Variants in CNTFR observed in about 807,000 individuals in gnomAD.
The protein encoded by CNTFR is ciliary neurotrophic factor receptor, also known as ciliary neurotrophic factor receptor subunit alpha.
Under a neutral mutation model 40.4 loss-of-function variants are expected in CNTFR, and 12 were observed. That is an observed-to-expected ratio of 0.30 (90% confidence interval 0.19 to 0.48). CNTFR has a LOEUF of 0.48. CNTFR is among the 20% of genes least tolerant of loss of function. The pLI is 0.99. For missense variants in CNTFR, 414 were observed against 506.8 expected (o/e 0.82, Z 1.76); for synonymous variants, 202 against 209.6 (o/e 0.96, Z 0.31).
intron 4 of CNTFR, among the ~76,000 whole-genome samples, chr9:34,561,521 G>A (rs1165863303): frequency 5.3e-5 from 8 of 152,164 alleles, no homozygotes; most frequent in Non-Finnish European, 1.2e-4. Flanking sequence ...GAGTCCTTAG[G>A]GCTCTGCTCG....
In CNTFR at chr9:34,557,116, A is replaced by C; in HGVS notation, c.604+410T>G. ...GGCTGGGATGGGGGGGGTCAGGGGG[A>C]GGGCAGTATCTGTCCCAGTCCTGTC... is the stretch of plus-strand genomic sequence containing the variant. On this transcript the variant is annotated intron_variant, in intron 6 of 9. Transcript: ENST00000378980. The surrounding 1 kb of genome is among the most constrained non-coding windows in gnomAD (Gnocchi z 4.2). Among the ~76,000 whole-genome samples the C allele has an allele frequency of 8.2e-6, 1 of 121,832 alleles. No homozygotes were observed. The highest frequency in any genetic ancestry group is 1.7e-5 in the Non-Finnish European group (1 of 59,096). The allele number at this position is 121,832 out of a possible 152,430, so 79.9% of individuals were successfully genotyped here. A position where few individuals can be genotyped will look rare whatever the true frequency, so the allele number is the denominator to read the frequency against.
At chr9:34,566,232 G>A (rs747195775) in intron 3 of CNTFR, among the ~76,000 whole-genome samples, 4 of 152,036 alleles carry the variant, frequency 2.6e-5, no homozygotes, top group South Asian at 2.1e-4. Flanking sequence ...TGTCGTCCTC[G>A]CTGTGCCAGG....
At chr9:34,582,939 CTG>C (rs1827375590) in intron 1 of CNTFR, 1 of 152,290 alleles carries the variant, frequency 6.6e-6, no homozygotes, top group Admixed American at 6.5e-5. Context: ...AAGGCTCAGG[CTG>C]TGTGTGGTGT....
In CNTFR at chr9:34,551,981, G is replaced by A. The variant is rs984902372; in HGVS notation, c.*90C>T. 5.9e-5 allele frequency: 47 copies of A among 795,188 alleles called. No homozygotes were observed. Among genetic ancestry groups the A allele is most frequent in the South Asian group, 3.0e-4 (21 of 69,252 alleles). 49.3% of individuals were successfully genotyped at this position (795,188 alleles called of 1,614,324 possible). A position where few individuals can be genotyped will look rare whatever the true frequency, so the allele number is the denominator to read the frequency against. ...GAGAATGCAAAAGGTCCTCCTGCCC[G>A]TGTGCAAAATAGAAACCGGGGTCTG... On this transcript the variant is annotated 3_prime_UTR_variant, in exon 10 of 10. Transcript: ENST00000378980.
chr9:34,564,626 G>A lies in CNTFR; in HGVS notation c.292C>T (p.Arg98Cys), dbSNP rs753843326. ...ACFHRDSWHL[R>C]HQVLLHVGLP... ...CCCACATGCAGCAGGACTTGGTGGC[G>A]CAGGTGCCAGGAGTCACGGTGGAAG... is the stretch of plus-strand genomic sequence containing the variant. Residue 98 changes from arginine (R) to cysteine (C), a missense_variant, in exon 4 of 10, where the codon CGC (arginine) becomes TGC (cysteine). Around this residue, in one of 3 missense-constraint regions of CNTFR, gnomAD observed 250 missense variants for 269.5 expected, o/e 0.93. Transcript: ENST00000378980. The A allele has an allele frequency of 1.6e-5, 25 of 1,611,848 alleles. No homozygotes were observed. The highest frequency in any genetic ancestry group is 6.7e-5 in the East Asian group (3 of 44,798).
At chr9:34,556,135 G>A (rs771202439) in intron 7 of CNTFR, 120 bp downstream of exon 7, 65 of 1,163,980 alleles carry the variant, frequency 5.6e-5, no homozygotes, top group East Asian at 7.7e-5. Flanking sequence ...CCTTTTCCCC[G>A]CAGAGAGCCT....
At chr9:34,576,484 C>G (rs1272869009) in intron 2 of CNTFR, among the ~76,000 whole-genome samples, 1 of 152,252 alleles carries the variant, frequency 6.6e-6, no homozygotes, top group East Asian at 1.9e-4. Context: ...CACACTGTGC[C>G]AGCACCTCAG....
At chr9:34,558,348 G>A (rs1825933833) in intron 4 of CNTFR, among the ~76,000 whole-genome samples, 1 of 152,172 alleles carries the variant, frequency 6.6e-6, no homozygotes, top group African/African-American at 2.4e-5. Flanking sequence ...ACTCCCAGAG[G>A]AAGACTGTGC....
At chr9:34,569,218 C>T (rs1278944687) in intron 2 of CNTFR, among the ~76,000 whole-genome samples, 2 of 152,150 alleles carry the variant, frequency 1.3e-5, no homozygotes, top group Non-Finnish European at 2.9e-5. Context: ...CCCAAAATGC[C>T]CTTCTTAATG....
In CNTFR at chr9:34,552,788, G is replaced by A; in HGVS notation, c.835C>T (p.Gln279Ter). ...ATCTCATTGTCCTTGGCTGCCACCTGGATAATGTACTCCTTCCCGGCGTAG... is the reference window on the plus strand; with the variant it reads ...ATCTCATTGTCCTTGGCTGCCACCTAGATAATGTACTCCTTCCCGGCGTAG... ...DAYAGKEYII[Q>*]VAAKDNEIGT... The change falls in exon 8 of 10, where the codon CAG becomes TAG. Residue 279 changes from glutamine to a stop codon, truncating the protein, a stop_gained. Transcript: ENST00000378980. LOFTEE classifies it high-confidence loss of function. The surrounding 1 kb of genome is among the most constrained non-coding windows in gnomAD (Gnocchi z 5.1). 2 of 1,613,820 alleles carry A rather than the reference G, an allele frequency of 1.2e-6. No individual in the cohort carries two copies. The highest frequency in any genetic ancestry group is 1.7e-6 in the Non-Finnish European group (2 of 1,179,912).
intron 2 of CNTFR, among the ~76,000 whole-genome samples, chr9:34,577,875 G>T (rs1052873860): frequency 3.9e-5 from 6 of 151,942 alleles, no homozygotes; most frequent in African/African-American, 1.4e-4. Flanking sequence ...GGAGCGCGCC[G>T]AGCAGCCGCG....
chr9:34,552,152 TC>T lies in CNTFR; in HGVS notation c.1118+8del, dbSNP rs1825650807. On this transcript the variant is annotated splice_region_variant and intron_variant, in intron 9 of 9. Coordinates refer to ENST00000378980, the MANE Select transcript of CNTFR (RefSeq NM_147164.3). The surrounding 1 kb of genome is among the most constrained non-coding windows in gnomAD (Gnocchi z 5.1). ...GGCTCCCTCTGCCACCCAGCCTCAC[TC>T]AACCTACCAGATCAAGAGACTGCTG... 1.3e-6 allele frequency: 2 copies of T among 1,594,158 alleles called. No individual in the cohort carries two copies. Among genetic ancestry groups the T allele is most frequent in the African/African-American group, 1.3e-5 (1 of 74,736 alleles).
chr9:34,558,311 C>T (rs1825932954), intron 4 of CNTFR, among the ~76,000 whole-genome samples: 1 of 152,188 alleles, frequency 6.6e-6, no homozygotes, highest in African/African-American at 2.4e-5. Context: ...TCGGCCCCAG[C>T]CCCACATCTC....
chr9:34,566,661 C>A (rs1826309535), intron 3 of CNTFR, among the ~76,000 whole-genome samples: 1 of 152,132 alleles, frequency 6.6e-6, no homozygotes, highest in Non-Finnish European at 1.5e-5. Context: ...TGAAAACTGA[C>A]CTTTGGGGAG....
intron 1 of CNTFR, among the ~76,000 whole-genome samples, chr9:34,583,805 GGGCCAGGGCCCAGCCCCCC>G (rs1827432259): frequency 6.6e-6 from 1 of 152,078 alleles, no homozygotes; most frequent in South Asian, 2.1e-4. Flanking sequence ...CTCCGGGCCT[GGGCCAGGGCCCAGCCCCCC>G]ATCCCGCAAT....
chr9:34,590,164 G>A (rs1587188964), upstream of CNTFR: 1 of 145,184 alleles, frequency 6.9e-6, no homozygotes, highest in South Asian at 2.1e-4. Flanking sequence ...AAACGCGCGC[G>A]CGCACACACA....
At chr9:34,586,810 G>A (rs1564078350) in intron 1 of CNTFR, among the ~76,000 whole-genome samples, 1 of 152,224 alleles carries the variant, frequency 6.6e-6, no homozygotes, top group Non-Finnish European at 1.5e-5. Context: ...CCCATTGTGA[G>A]GGACGTGACC....
At chr9:34,554,538 T>C (rs1474475324) in intron 7 of CNTFR, among the ~76,000 whole-genome samples, 1 of 152,158 alleles carries the variant, frequency 6.6e-6, no homozygotes, top group African/African-American at 2.4e-5. Flanking sequence ...GTCACTGACA[T>C]TGGCCTCCCC....
At position 34,573,065 on chromosome 9, in the gene CNTFR, C is replaced by T. The variant is rs547095653; in HGVS notation, c.1-4084G>A. On this transcript the variant is annotated intron_variant, in intron 2 of 9. Coordinates refer to ENST00000378980, the MANE Select transcript of CNTFR (RefSeq NM_147164.3). ...ACAGACACAGCGACAGGCTCCAGGT[C>T]AGGAACCCCTGTTACCCAGTTTAAG... 1.9e-4 allele frequency among the ~76,000 whole-genome samples: 29 copies of T among 152,326 alleles called. 1 individual carries two copies. In the South Asian group the frequency reaches 6.0e-3, roughly 32 times the overall value.
Sources: gnomAD v4.1 joint callset for allele counts (sites outside exome capture counted in the v4.1 genomes callset) on GRCh38, gnomAD v4.1.1 for gene constraint, gnomAD v4.1.1 regional missense constraint, Gnocchi (gnomAD v3.1) non-coding constraint, MANE v1.5 for transcripts, NCBI Gene and HGNC (gene_info 2026-07-23, HGNC 2026-07-21) for gene names.